GPR158: variants seen among roughly 807,000 people sequenced by gnomAD.
GPR158 encodes the protein G protein-coupled receptor 158.
In GPR158, 30 loss-of-function variants were observed where a neutral mutation model predicts 78.2. The observed-to-expected ratio is 0.38, with a 90% CI of 0.29 to 0.52. The LOEUF (loss-of-function observed/expected upper bound fraction) is 0.52, where lower values mean the gene tolerates loss of function less well. Ranked by LOEUF, GPR158 falls within the 20% of genes least tolerant of loss-of-function variation. The pLI is 0.83. For synonymous variants in GPR158, 581 were observed against 591.1 expected (o/e 0.98, Z 0.25); for missense variants, 1,463 against 1,523.5 (o/e 0.96, Z 0.66).
intron 7 of GPR158, among the ~76,000 whole-genome samples, chr10:25,580,968 ACTGCGGAC>A (rs1837189062): frequency 8.0e-6 from 1 of 124,590 alleles, no homozygotes; most frequent in African/African-American, 3.2e-5. Flanking sequence ...CCCAGGCCAG[ACTGCGGAC>A]TGCAGTGGCG....
intron 5 of GPR158, among the ~76,000 whole-genome samples, chr10:25,467,218 G>T (rs1835437515): frequency 6.6e-6 from 1 of 152,180 alleles, no homozygotes; most frequent in Admixed American, 6.5e-5. Context: ...CTAAAGACCT[G>T]GGATCAATAG....
intron 4 of GPR158, among the ~76,000 whole-genome samples, chr10:25,458,467 G>C (rs563208812): frequency 7.9e-4 from 121 of 152,270 alleles, no homozygotes; most frequent in Non-Finnish European, 1.6e-3. Context: ...CACTGATTTG[G>C]GAACCAGCAG....
chr10:25,394,213 C>T (rs74451897), intron 2 of GPR158, among the ~76,000 whole-genome samples: 3,073 of 152,264 alleles, frequency 0.02, 118 homozygotes, highest in African/African-American at 0.071. Context: ...ATCATGGTGG[C>T]ACTACCTTTT....
intron 4 of GPR158, among the ~76,000 whole-genome samples, chr10:25,436,993 A>G (rs1055328483): frequency 1.4e-4 from 22 of 152,256 alleles, no homozygotes; most frequent in Middle Eastern, 3.4e-3. Flanking sequence ...AAAGAGAGAG[A>G]GGGATTCAAA....
chr10:25,488,870 A>G (rs1295905595), intron 5 of GPR158, among the ~76,000 whole-genome samples: 1 of 151,994 alleles, frequency 6.6e-6, no homozygotes, highest in African/African-American at 2.4e-5. Context: ...TGGCTCAAAA[A>G]CCTTTGAAAG....
intron 2 of GPR158, among the ~76,000 whole-genome samples, chr10:25,370,885 G>A (rs1833979309): frequency 6.6e-6 from 1 of 151,760 alleles, no homozygotes; most frequent in Non-Finnish European, 1.5e-5. Flanking sequence ...AGGATAGTTA[G>A]CTCTTCTTGT....
At chr10:25,178,079 C>A (rs185811289) in intron 1 of GPR158, among the ~76,000 whole-genome samples, 1 of 152,170 alleles carries the variant, frequency 6.6e-6, no homozygotes, top group Non-Finnish European at 1.5e-5. Context: ...ATCTAACATT[C>A]GCTTTATGTC....
intron 5 of GPR158, among the ~76,000 whole-genome samples, chr10:25,467,627 C>T (rs1303205721): frequency 6.6e-6 from 1 of 151,984 alleles, no homozygotes; most frequent in African/African-American, 2.4e-5. Flanking sequence ...GGCATGACTC[C>T]CCAGACCCCT....
intron 5 of GPR158, among the ~76,000 whole-genome samples, chr10:25,483,348 C>T (rs923347351): frequency 6.6e-6 from 1 of 152,102 alleles, no homozygotes; most frequent in African/African-American, 2.4e-5. Context: ...CACCTCAAAG[C>T]GCTTGCACTG....
At chr10:25,397,436 T>A (rs1426578923) in intron 3 of GPR158, among the ~76,000 whole-genome samples, 1 of 152,194 alleles carries the variant, frequency 6.6e-6, no homozygotes, top group East Asian at 1.9e-4. Context: ...TTTTAAATAG[T>A]TACCCATAAA....
At chr10:25,309,554 C>G (rs1254776460) in intron 2 of GPR158, among the ~76,000 whole-genome samples, 1 of 151,890 alleles carries the variant, frequency 6.6e-6, no homozygotes, top group Admixed American at 6.6e-5. Flanking sequence ...TTATAAAGTT[C>G]AGTTTTTCTA....
At position 25,354,007 on chromosome 10, in the gene GPR158, G is replaced by C. The variant is rs575746067; in HGVS notation, c.1009-41904G>C. ...ATTGCATTTAGTGAATCTATTATAGGGTTTTGCACTGTGGTTACCATGATG... is the reference window on the plus strand; with the variant it reads ...ATTGCATTTAGTGAATCTATTATAGCGTTTTGCACTGTGGTTACCATGATG... On this transcript the variant is annotated intron_variant, in intron 2 of 10. Transcript: ENST00000376351. 7.2e-5 allele frequency among the ~76,000 whole-genome samples: 11 copies of C among 151,876 alleles called. No homozygotes were observed. In the East Asian group the frequency reaches 7.8e-4, roughly 11 times the overall value.
intron 2 of GPR158, among the ~76,000 whole-genome samples, chr10:25,339,959 A>G (rs902831895): frequency 1.3e-5 from 2 of 152,026 alleles, no homozygotes; most frequent in Non-Finnish European, 2.9e-5. Flanking sequence ...GTTCTTGCAT[A>G]ATGTTAGCTT....
chr10:25,551,270 A>T (rs1221875627), intron 6 of GPR158, among the ~76,000 whole-genome samples, 185 bp downstream of exon 6: 1 of 152,176 alleles, frequency 6.6e-6, no homozygotes, highest in African/African-American at 2.4e-5. Flanking sequence ...ATTTAATACA[A>T]CTGAATTGTT....
intron 5 of GPR158, among the ~76,000 whole-genome samples, chr10:25,506,421 C>T (rs1836014714): frequency 6.6e-6 from 1 of 152,318 alleles, no homozygotes; most frequent in African/African-American, 2.4e-5. Flanking sequence ...TAGTCCTAAT[C>T]TAACCCAACA....
At chr10:25,201,997 T>G (rs75845128) in intron 1 of GPR158, among the ~76,000 whole-genome samples, 3,544 of 152,172 alleles carry the variant, frequency 0.023, 54 homozygotes, top group Middle Eastern at 0.048. Context: ...GAATGACTTA[T>G]GGAGGAGTCC....
At chr10:25,596,399 C>T (rs529474672) in intron 9 of GPR158, among the ~76,000 whole-genome samples, 1 of 152,142 alleles carries the variant, frequency 6.6e-6, no homozygotes, top group East Asian at 1.9e-4. Flanking sequence ...TTTGAGGCTG[C>T]TGCGTGCTAT....
intron 2 of GPR158, among the ~76,000 whole-genome samples, chr10:25,367,540 T>C (rs1168417024): frequency 1.3e-5 from 2 of 151,844 alleles, no homozygotes; most frequent in Admixed American, 6.6e-5. Context: ...TGGAAGTTAT[T>C]ATAGCCATAG....
intron 2 of GPR158, among the ~76,000 whole-genome samples, chr10:25,361,088 T>C (rs1316777284): frequency 2.6e-5 from 4 of 151,852 alleles, no homozygotes; most frequent in Admixed American, 6.6e-5. Flanking sequence ...ACTCTCTTTT[T>C]CCCCTTTCTC....
Sources: gnomAD v4.1 joint callset for allele counts (sites outside exome capture counted in the v4.1 genomes callset) on GRCh38, gnomAD v4.1.1 for gene constraint, MANE v1.5 for transcripts, NCBI Gene and HGNC (gene_info 2026-07-23, HGNC 2026-07-21) for gene names.